The following CNTNAP2 variants were observed in gnomAD, a reference collection of about 807,000 sequenced individuals.
The protein encoded by CNTNAP2 is contactin-associated protein-like 2.
A neutral mutation model predicts 155.2 loss-of-function variants in CNTNAP2; 98 were observed. The observed-to-expected ratio is 0.63, with a 90% CI of 0.54 to 0.75. The LOEUF is 0.75. Ranked by LOEUF, CNTNAP2 falls within the 30% of genes least tolerant of loss-of-function variation. CNTNAP2 has a pLI of 0.00. For synonymous variants in CNTNAP2, 651 were observed against 631.2 expected (o/e 1.03, Z -0.47); for missense variants, 1,727 against 1,688.1 (o/e 1.02, Z -0.40).
rs190531891 is a variant in CNTNAP2 at position 147,940,135 on chromosome 7, A to G, written c.2255+36414A>G. 5 of 152,030 alleles carry G rather than the reference A, an allele frequency of 3.3e-5. No individual in the cohort carries two copies. In the East Asian group the frequency reaches 9.7e-4, roughly 30 times the overall value. 9.4% of individuals were successfully genotyped at this position (152,030 alleles called of 1,614,324 possible). A position where few individuals can be genotyped will look rare whatever the true frequency, so the allele number is the denominator to read the frequency against. On this transcript the variant is annotated intron_variant, in intron 14 of 23. Coordinates refer to ENST00000361727, the MANE Select transcript of CNTNAP2 (RefSeq NM_014141.6). ...GGTAGTCGCACTAAGTTTGGCGTCA[A>G]TATGGTTAATTCCTGGGAGCGGGAA... is the stretch of plus-strand genomic sequence containing the variant.
At chr7:147,148,508 T>A (rs1276490268) in intron 8 of CNTNAP2, among the ~76,000 whole-genome samples, 1 of 152,204 alleles carries the variant, frequency 6.6e-6, no homozygotes, top group Non-Finnish European at 1.5e-5. Flanking sequence ...CTTGTAAATG[T>A]GTCCAGAATT....
At chr7:147,756,620 T>G (rs1358080375) in intron 13 of CNTNAP2, among the ~76,000 whole-genome samples, 3 of 152,146 alleles carry the variant, frequency 2.0e-5, no homozygotes, top group African/African-American at 7.2e-5. Flanking sequence ...AAAGTAATCC[T>G]GAAGGGGAAC....
intron 1 of CNTNAP2, among the ~76,000 whole-genome samples, chr7:146,629,246 G>C (rs1585014426): frequency 6.6e-6 from 1 of 152,176 alleles, no homozygotes; most frequent in East Asian, 1.9e-4. Flanking sequence ...CTCCTCATCA[G>C]CCACACACAT....
At chr7:148,270,795 G>A (rs756752923) in intron 21 of CNTNAP2, among the ~76,000 whole-genome samples, 6 of 152,160 alleles carry the variant, frequency 3.9e-5, no homozygotes, top group Admixed American at 3.9e-4. Flanking sequence ...GGCAGAGCTT[G>A]TTAGACTGGA....
intron 9 of CNTNAP2, among the ~76,000 whole-genome samples, chr7:147,306,580 T>A (rs931918515): frequency 6.6e-6 from 1 of 152,214 alleles, no homozygotes. Context: ...GTGTAAATGA[T>A]AAGAAAATGT....
chr7:147,389,062 T>C (rs947112979), intron 9 of CNTNAP2, among the ~76,000 whole-genome samples: 1 of 152,196 alleles, frequency 6.6e-6, no homozygotes, highest in Admixed American at 6.5e-5. Flanking sequence ...TCCCCTGGAC[T>C]ACTCTATCTT....
intron 21 of CNTNAP2, among the ~76,000 whole-genome samples, chr7:148,305,053 C>CA (rs71188964): frequency 0.59 from 64,308 of 109,366 alleles, 18,171 homozygotes; most frequent in Non-Finnish European, 0.7. Context: ...CCTGTCTCTA[C>CA]AAAAAAAAAA....
At chr7:146,309,852 GGAAA>G (rs976347143) in intron 1 of CNTNAP2, among the ~76,000 whole-genome samples, 3 of 142,308 alleles carry the variant, frequency 2.1e-5, no homozygotes, top group South Asian at 2.2e-4. Flanking sequence ...AAGGAAGGAA[GGAAA>G]GAAAGAAGGA....
At chr7:146,172,071 A>G (rs369390441) in intron 1 of CNTNAP2, among the ~76,000 whole-genome samples, 96 of 115,348 alleles carry the variant, frequency 8.3e-4, no homozygotes, top group Non-Finnish European at 1.5e-3. Context: ...ATGATTTAAA[A>G]TATGATATTT....
intron 1 of CNTNAP2, among the ~76,000 whole-genome samples, chr7:146,564,228 T>C (rs1798323329): frequency 6.6e-6 from 1 of 152,156 alleles, no homozygotes; most frequent in Non-Finnish European, 1.5e-5. Context: ...AATAATGATA[T>C]GTTACCTCTT....
chr7:148,381,876 C>T (rs974896333), intron 21 of CNTNAP2, among the ~76,000 whole-genome samples: 3 of 151,860 alleles, frequency 2.0e-5, no homozygotes, highest in African/African-American at 7.3e-5. Context: ...ATTGGCCCCC[C>T]CCCAGGGGAA....
intron 9 of CNTNAP2, among the ~76,000 whole-genome samples, chr7:147,394,460 T>A (rs1796775471): frequency 6.6e-6 from 1 of 151,964 alleles, no homozygotes; most frequent in African/African-American, 2.4e-5. Context: ...GTTACAGATA[T>A]AATATTAGAT....
At chr7:146,856,174 T>C (rs1794978221) in intron 3 of CNTNAP2, among the ~76,000 whole-genome samples, 1 of 151,942 alleles carries the variant, frequency 6.6e-6, no homozygotes, top group Non-Finnish European at 1.5e-5. Context: ...CAGTAATGCA[T>C]TGCACACCTT....
chr7:147,969,961 G>T (rs77669484), intron 14 of CNTNAP2, among the ~76,000 whole-genome samples: 5,385 of 151,106 alleles, frequency 0.036, 159 homozygotes, highest in South Asian at 0.13. Context: ...TTGAGACAGG[G>T]TTCTGTCACC....
intron 1 of CNTNAP2, among the ~76,000 whole-genome samples, chr7:146,708,879 C>T (rs549436205): frequency 3.4e-4 from 51 of 151,494 alleles, no homozygotes; most frequent in East Asian, 2.9e-3. Flanking sequence ...TGAACCACTG[C>T]GCCTGGCCAA....
chr7:148,121,542 C>G lies in CNTNAP2; in HGVS notation c.2554+3254C>G, dbSNP rs147084072. Among the ~76,000 whole-genome samples, 346 of 152,302 alleles carry G rather than the reference C, an allele frequency of 2.3e-3. 2 individuals carry two copies. Among genetic ancestry groups the G allele is most frequent in the Middle Eastern group, 6.8e-3 (2 of 294 alleles). ...CTGTCTCTATGTTTTTCCCATTTAG[C>G]TTGTTAGGCCTTCTGATCTCTTTCT... is the stretch of plus-strand genomic sequence containing the variant. On this transcript the variant is annotated intron_variant, in intron 16 of 23. Coordinates refer to ENST00000361727, the MANE Select transcript of CNTNAP2 (RefSeq NM_014141.6).
chr7:147,852,919 T>C (rs917596835), intron 13 of CNTNAP2, among the ~76,000 whole-genome samples: 6 of 152,166 alleles, frequency 3.9e-5, no homozygotes, highest in African/African-American at 1.4e-4. Context: ...TCTTCTCCAC[T>C]TACTCCTACC....
At chr7:146,206,305 C>T (rs1171145678) in intron 1 of CNTNAP2, among the ~76,000 whole-genome samples, 1 of 151,746 alleles carries the variant, frequency 6.6e-6, no homozygotes, top group Non-Finnish European at 1.5e-5. Flanking sequence ...AAACAACATA[C>T]TATGTTGTGC....
At chr7:148,413,054 C>CT (rs779437180) in intron 23 of CNTNAP2, among the ~76,000 whole-genome samples, 144 of 152,034 alleles carry the variant, frequency 9.5e-4, no homozygotes, top group Non-Finnish European at 1.6e-3. Flanking sequence ...AATACATGAT[C>CT]TTTTTTACAT....
Sources: gnomAD v4.1 joint callset for allele counts (sites outside exome capture counted in the v4.1 genomes callset) on GRCh38, gnomAD v4.1.1 for gene constraint, MANE v1.5 for transcripts, NCBI Gene and HGNC (gene_info 2026-07-23, HGNC 2026-07-21) for gene names.